Variants in ANKRD27 observed in about 807,000 individuals in gnomAD.
ANKRD27 encodes the protein ankyrin repeat domain-containing protein 27.
ANKRD27 carries 112 observed loss-of-function variants against 129.7 expected under a neutral mutation model. The ratio of observed to expected loss-of-function variants is 0.86; its 90% CI spans 0.74 to 1.01. The LOEUF (loss-of-function observed/expected upper bound fraction) is 1.01, where lower values mean the gene tolerates loss of function less well. Ranked by LOEUF, ANKRD27 falls within the 50% of genes least tolerant of loss-of-function variation. ANKRD27 has a pLI of 0.00. For missense variants in ANKRD27, 1,258 were observed against 1,300.5 expected, an observed-to-expected ratio of 0.97 and a Z score of 0.50; for synonymous variants, 516 against 511.2, an observed-to-expected ratio of 1.01 and a Z score of -0.13.
At chr19:32,599,898 T>C (rs955674085) in intron 27 of ANKRD27, 74 bp downstream of exon 27, 20 of 1,517,124 alleles carry the variant, frequency 1.3e-5, no homozygotes, top group African/African-American at 4.1e-5. Flanking sequence ...CCAATTACAA[T>C]TGAAGCAGCT....
intron 18 of ANKRD27, among the ~76,000 whole-genome samples, chr19:32,620,071 A>G (rs2145274980): frequency 6.6e-6 from 1 of 152,100 alleles, no homozygotes; most frequent in African/African-American, 2.4e-5. Flanking sequence ...ACATCCCAGC[A>G]GCCCCAGCCG....
At chr19:32,636,813 C>T (rs919853182) in intron 12 of ANKRD27, among the ~76,000 whole-genome samples, 4 of 151,256 alleles carry the variant, frequency 2.6e-5, no homozygotes, top group Non-Finnish European at 5.9e-5. Flanking sequence ...AGTGGTGTAA[C>T]CTCAGCTCAC....
At chr19:32,633,031 C>T (rs1413374250) in intron 12 of ANKRD27, among the ~76,000 whole-genome samples, 1 of 152,178 alleles carries the variant, frequency 6.6e-6, no homozygotes, top group African/African-American at 2.4e-5. Flanking sequence ...CACTTTACAC[C>T]GCAATTCACA....
At chr19:32,667,805 C>G (rs1372259958) in intron 1 of ANKRD27, among the ~76,000 whole-genome samples, 1 of 134,582 alleles carries the variant, frequency 7.4e-6, no homozygotes, top group African/African-American at 2.8e-5. Context: ...GCACTCCAGC[C>G]TGGGCGACAA....
chr19:32,669,414 A>C (rs1967823843), intron 1 of ANKRD27, among the ~76,000 whole-genome samples: 1 of 152,230 alleles, frequency 6.6e-6, no homozygotes, highest in Non-Finnish European at 1.5e-5. Flanking sequence ...CACCACAATG[A>C]GATAATGCAA....
intron 12 of ANKRD27, among the ~76,000 whole-genome samples, chr19:32,633,745 G>T (rs1967041936): frequency 6.6e-6 from 1 of 152,066 alleles, no homozygotes; most frequent in Non-Finnish European, 1.5e-5. Context: ...ATGTTGAGCA[G>T]GTGTGGTGGC....
At chr19:32,641,415 T>C (rs1452145689) in intron 10 of ANKRD27, among the ~76,000 whole-genome samples, 1 of 152,110 alleles carries the variant, frequency 6.6e-6, no homozygotes, top group Non-Finnish European at 1.5e-5. Context: ...CCACTGCCCA[T>C]GTGGAGTTTC....
intron 12 of ANKRD27, among the ~76,000 whole-genome samples, chr19:32,633,319 GT>G (rs951676940): frequency 2.1e-5 from 3 of 141,874 alleles, no homozygotes; most frequent in African/African-American, 7.7e-5. Context: ...GTTCTTTCTT[GT>G]TTTTTTATCT....
chr19:32,619,747 C>G (rs918438437), intron 18 of ANKRD27, among the ~76,000 whole-genome samples, 194 bp from the exon 19 acceptor site: 1 of 152,136 alleles, frequency 6.6e-6, no homozygotes, highest in African/African-American at 2.4e-5. Context: ...AACTTACGCA[C>G]GATCACCCCG....
At chr19:32,627,380 TTA>T (rs1491133380) in intron 15 of ANKRD27, among the ~76,000 whole-genome samples, 14 of 92,048 alleles carry the variant, frequency 1.5e-4, no homozygotes, top group Middle Eastern at 5.1e-3. Flanking sequence ...ATTTATTTAT[TTA>T]TTTATTTATT....
intron 5 of ANKRD27, among the ~76,000 whole-genome samples, chr19:32,643,960 A>T (rs1470986208): frequency 6.6e-6 from 1 of 151,896 alleles, no homozygotes. Context: ...CTGCAGTCTC[A>T]AACTCCTGGG....
intron 22 of ANKRD27, among the ~76,000 whole-genome samples, chr19:32,608,865 T>C (rs1971791651): frequency 6.6e-6 from 1 of 152,086 alleles, no homozygotes; most frequent in Admixed American, 6.5e-5. Context: ...CATTGGGCTG[T>C]AGAATCGCTC....
intron 12 of ANKRD27, among the ~76,000 whole-genome samples, chr19:32,635,783 T>G (rs1394614753): frequency 6.6e-6 from 1 of 152,084 alleles, no homozygotes; most frequent in African/African-American, 2.4e-5. Context: ...AGAGATTAAT[T>G]CTTCAACAAG....
intron 17 of ANKRD27, among the ~76,000 whole-genome samples, chr19:32,624,553 T>C (rs1972061714): frequency 1.3e-5 from 2 of 152,156 alleles, no homozygotes; most frequent in South Asian, 4.2e-4. Flanking sequence ...TATATCACTA[T>C]GGAGAGAAGC....
At chr19:32,659,235 C>A (rs1173779110) in intron 1 of ANKRD27, among the ~76,000 whole-genome samples, 190 bp from the exon 2 acceptor site, 1 of 150,924 alleles carries the variant, frequency 6.6e-6, no homozygotes, top group African/African-American at 2.4e-5. Flanking sequence ...GCGCCCACCA[C>A]CACACCCGCG....
chr19:32,607,831 C>T lies in ANKRD27; in HGVS notation c.2177G>A (p.Arg726Lys). The change falls in exon 23 of 29, where the codon AGG becomes AAG. Residue 726 changes from arginine (R) to lysine (K), a missense_variant and splice_region_variant. Coordinates refer to ENST00000306065, the MANE Select transcript of ANKRD27 (RefSeq NM_032139.3). ...QCPKCAPAQK[R>K]LAKVPASGLG... ...CCCACTGGCAGGAACCTTCGCCAGC[C>T]TCTGGGAAGCGCAGAAGATGGAAAC... 1 of 1,602,794 alleles carries T rather than the reference C, an allele frequency of 6.2e-7. No homozygotes were observed. The highest frequency in any genetic ancestry group is 8.5e-7 in the Non-Finnish European group (1 of 1,175,296).
At chr19:32,630,852 G>A (rs553177875) in intron 13 of ANKRD27, among the ~76,000 whole-genome samples, 4 of 152,042 alleles carry the variant, frequency 2.6e-5, no homozygotes, top group African/African-American at 9.6e-5. Context: ...GGCTGGTCTC[G>A]GGCTTCTGGC....
chr19:32,613,229 T>C (rs1971859558), intron 22 of ANKRD27, among the ~76,000 whole-genome samples: 1 of 152,150 alleles, frequency 6.6e-6, no homozygotes, highest in African/African-American at 2.4e-5. Flanking sequence ...ACTGAGATAG[T>C]ACTACACACC....
intron 22 of ANKRD27, chr19:32,608,323 T>C: frequency 3.9e-6 from 1 of 256,114 alleles, no homozygotes; most frequent in South Asian, 3.8e-5. Context: ...TTTCACTTTT[T>C]TTTTTTTCAC....
Sources: allele counts gnomAD v4.1 joint callset (sites outside exome capture counted in the v4.1 genomes callset), GRCh38; gene constraint gnomAD v4.1.1; transcripts MANE v1.5; gene names NCBI Gene and HGNC (gene_info 2026-07-23, HGNC 2026-07-21).